UNC5D: variants seen among roughly 807,000 people sequenced by gnomAD.
The protein encoded by UNC5D is netrin receptor UNC5D.
A neutral mutation model predicts 105.4 loss-of-function variants in UNC5D; 39 were observed. That is an observed-to-expected ratio of 0.37 (90% CI 0.29 to 0.48). The LOEUF is 0.48. UNC5D is among the 20% of genes least tolerant of loss of function. The pLI is 0.98. For missense variants in UNC5D, 991 were observed against 1,202.4 expected (o/e 0.82, Z 2.60); for synonymous variants, 452 against 450.4 (o/e 1.00, Z -0.04).
intron 1 of UNC5D, among the ~76,000 whole-genome samples, chr8:35,340,523 T>C (rs1179387233): frequency 6.6e-6 from 1 of 152,192 alleles, no homozygotes. Context: ...GGAGAAAGTA[T>C]CTCTGGTTAA....
intron 8 of UNC5D, among the ~76,000 whole-genome samples, chr8:35,714,517 G>A (rs1260684754): frequency 6.6e-6 from 1 of 152,136 alleles, no homozygotes; most frequent in Admixed American, 6.5e-5. Flanking sequence ...AGGAAAAAGG[G>A]CCAAGAACTG....
At chr8:35,250,220 C>T (rs1260890115) in intron 1 of UNC5D, among the ~76,000 whole-genome samples, 1 of 152,042 alleles carries the variant, frequency 6.6e-6, no homozygotes, top group Non-Finnish European at 1.5e-5. Flanking sequence ...GATCTCAGAG[C>T]ACTTAAGTCA....
rs142198401 is a variant in UNC5D, at chr8:35,652,135, C to A, written c.571-31412C>A. On this transcript the variant is annotated intron_variant, in intron 4 of 16. Coordinates refer to ENST00000404895, the MANE Select transcript of UNC5D (RefSeq NM_080872.4). ...CACCAGCTGTGACTGATCCTTATAG[C>A]CTTGCATACACAATAATGCATTTAT... Among the ~76,000 whole-genome samples, 890 of 152,196 alleles carry A rather than the reference C, an allele frequency of 5.8e-3. 4 individuals are homozygous for A. Among genetic ancestry groups the A allele is most frequent in the African/African-American group, 0.021 (862 of 41,520 alleles).
Position 35,288,096 on chromosome 8 carries a change from CA to C in UNC5D, c.103+52210del, listed in dbSNP as rs1188830408. On this transcript the variant is annotated intron_variant, in intron 1 of 16. Coordinates refer to ENST00000404895, the MANE Select transcript of UNC5D (RefSeq NM_080872.4). ...TCCCAAATCTGGAGACAGATAATCT[CA>C]TGGAAGCTCAGAGGTTGCCAATCAA... is the stretch of plus-strand genomic sequence containing the variant. Among the ~76,000 whole-genome samples, 11 of 59,892 alleles carry C rather than the reference CA, an allele frequency of 1.8e-4. 1 individual carries two copies. The Admixed American group carries it at 2.5e-3, about 14-fold the overall frequency. The allele number at this position is 59,892 out of a possible 152,430, so 39.3% of individuals were successfully genotyped here.
intron 2 of UNC5D, among the ~76,000 whole-genome samples, chr8:35,556,452 G>A (rs1194705196): frequency 6.6e-6 from 1 of 152,104 alleles, no homozygotes; most frequent in Non-Finnish European, 1.5e-5. Flanking sequence ...CCCCAAGAGA[G>A]GGTTCTTGGA....
intron 1 of UNC5D, among the ~76,000 whole-genome samples, chr8:35,370,451 T>C (rs920859628): frequency 6.6e-6 from 1 of 152,236 alleles, no homozygotes; most frequent in African/African-American, 2.4e-5. Flanking sequence ...CTTGTCAATG[T>C]AATTGTGTCT....
At chr8:35,492,085 T>C (rs1282839037) in intron 1 of UNC5D, among the ~76,000 whole-genome samples, 2 of 151,832 alleles carry the variant, frequency 1.3e-5, no homozygotes, top group Non-Finnish European at 2.9e-5. Flanking sequence ...TTTCAGAACA[T>C]CACTTTTCTT....
intron 1 of UNC5D, among the ~76,000 whole-genome samples, chr8:35,450,754 T>A (rs567545165): frequency 1.5e-4 from 23 of 152,280 alleles, no homozygotes; most frequent in Non-Finnish European, 7.4e-5. Context: ...ACGCCTTCCA[T>A]AGAAACCATA....
intron 4 of UNC5D, among the ~76,000 whole-genome samples, chr8:35,681,557 T>C (rs1456624051): frequency 6.6e-6 from 1 of 152,200 alleles, no homozygotes; most frequent in Non-Finnish European, 1.5e-5. Context: ...TATTATAAAA[T>C]TGGTTCCATT....
At chr8:35,436,854 T>G (rs560207242) in intron 1 of UNC5D, among the ~76,000 whole-genome samples, 13 of 152,194 alleles carry the variant, frequency 8.5e-5, no homozygotes, top group African/African-American at 3.1e-4. Context: ...CCTAGAGACT[T>G]TTTCTCATGA....
At chr8:35,681,563 C>G (rs1825668673) in intron 4 of UNC5D, among the ~76,000 whole-genome samples, 1 of 152,160 alleles carries the variant, frequency 6.6e-6, no homozygotes, top group East Asian at 1.9e-4. Context: ...AAAATTGGTT[C>G]CATTGCCCTA....
intron 4 of UNC5D, among the ~76,000 whole-genome samples, chr8:35,646,852 T>C (rs1195476697): frequency 6.6e-6 from 1 of 152,168 alleles, no homozygotes; most frequent in African/African-American, 2.4e-5. Context: ...ATTTAATGTA[T>C]ATTTGCTTAG....
At chr8:35,261,302 A>G (rs560911647) in intron 1 of UNC5D, among the ~76,000 whole-genome samples, 2 of 152,308 alleles carry the variant, frequency 1.3e-5, no homozygotes, top group East Asian at 3.9e-4. Flanking sequence ...AGAACCCTGC[A>G]CAATTGATGT....
intron 1 of UNC5D, among the ~76,000 whole-genome samples, chr8:35,517,039 C>T (rs1049554701): frequency 6.6e-5 from 10 of 152,206 alleles, no homozygotes; most frequent in Non-Finnish European, 1.3e-4. Context: ...TCTGCTGTTA[C>T]AATCATTTTG....
intron 4 of UNC5D, among the ~76,000 whole-genome samples, chr8:35,658,793 A>G (rs1422940314): frequency 6.6e-6 from 1 of 151,992 alleles, no homozygotes; most frequent in Non-Finnish European, 1.5e-5. Context: ...CTGGGACTAC[A>G]GGCGACTGAT....
intron 8 of UNC5D, among the ~76,000 whole-genome samples, chr8:35,713,657 A>G (rs1236352431): frequency 2.0e-5 from 3 of 152,218 alleles, no homozygotes; most frequent in Admixed American, 6.5e-5. Context: ...AGGAGCTGTA[A>G]ACATGTCTGA....
chr8:35,695,406 TC>T (rs1261947026), intron 7 of UNC5D, among the ~76,000 whole-genome samples: 1 of 152,126 alleles, frequency 6.6e-6, no homozygotes, highest in East Asian at 1.9e-4. Context: ...ACCTATATAG[TC>T]CCAGCTATTC....
chr8:35,317,130 T>C lies in UNC5D; in HGVS notation c.103+81243T>C, dbSNP rs547793427. Among the ~76,000 whole-genome samples the C allele has an allele frequency of 6.6e-5, 10 of 152,296 alleles. No individual in the cohort carries two copies. The East Asian group carries it at 1.9e-3, about 29-fold the overall frequency. On this transcript the variant is annotated intron_variant, in intron 1 of 16. Transcript: ENST00000404895. ...ATTTTTCCAAGGTCCCATAGCTAAT[T>C]AGCAGTGGAGTTTAGAAATAACTTT...
intron 4 of UNC5D, among the ~76,000 whole-genome samples, chr8:35,625,229 A>G (rs1393428017): frequency 6.6e-6 from 1 of 151,896 alleles, no homozygotes; most frequent in African/African-American, 2.4e-5. Flanking sequence ...AAACTCTATC[A>G]CTTGAAAAAA....
Sources: gnomAD v4.1 joint callset for allele counts (sites outside exome capture counted in the v4.1 genomes callset) on GRCh38, gnomAD v4.1.1 for gene constraint, MANE v1.5 for transcripts, NCBI Gene and HGNC (gene_info 2026-07-23, HGNC 2026-07-21) for gene names.